Variants in VPS35L observed in about 807,000 individuals in gnomAD.
VPS35L encodes the protein VPS35 endosomal protein sorting factor like.
Under a neutral mutation model 133.0 loss-of-function variants are expected in VPS35L, and 83 were observed. The observed-to-expected ratio is 0.62, with a 90% confidence interval of 0.52 to 0.75. VPS35L has a LOEUF of 0.75. VPS35L is among the 30% of genes least tolerant of loss of function. The pLI is 0.00. For synonymous variants in VPS35L, 423 were observed against 449.9 expected (o/e 0.94, Z 0.76); for missense variants, 1,083 against 1,206.8 (o/e 0.90, Z 1.52).
chr16:19,577,956 T>C (rs1417964189), intron 5 of VPS35L, among the ~76,000 whole-genome samples: 1 of 152,200 alleles, frequency 6.6e-6, no homozygotes, highest in African/African-American at 2.4e-5. Context: ...ACCCACTTTG[T>C]AGCATTTTGT....
intron 10 of VPS35L, chr16:19,608,597 C>T (rs948367613): frequency 5.4e-5 from 21 of 385,546 alleles, no homozygotes; most frequent in African/African-American, 4.2e-4. Context: ...CTTGAAAGAA[C>T]AGGGTCAAGC....
intron 3 of VPS35L, 24 bp from the exon 4 acceptor site, chr16:19,573,095 A>G (rs1477825622): frequency 6.2e-7 from 1 of 1,609,116 alleles, no homozygotes; most frequent in Non-Finnish European, 8.5e-7. Flanking sequence ...TTGCTGCTGA[A>G]GAGATTATCT....
chr16:19,604,092 C>T (rs558666342), intron 9 of VPS35L, among the ~76,000 whole-genome samples: 7 of 151,566 alleles, frequency 4.6e-5, no homozygotes, highest in African/African-American at 1.7e-4. Context: ...TGGCAGCAAA[C>T]TTGAGCCAAC....
At position 19,581,584 on chromosome 16, in the gene VPS35L, G is replaced by C. The variant is rs757126398; in HGVS notation, c.570G>C (p.Glu190Asp). The C allele has an allele frequency of 6.2e-7, 1 of 1,614,112 alleles. No individual in the cohort carries two copies. The highest frequency in any genetic ancestry group is 8.5e-7 in the Non-Finnish European group (1 of 1,180,016). ...TQQDYVNRIEELNQSLKDAWA... is the reference protein window; with the variant it reads ...TQQDYVNRIEDLNQSLKDAWA... Reference sequence around the variant, plus strand: ...AGGATTACGTGAACCGCATAGAGGAGCTCAACCAATCGCTGAAGGATGCCT... The same window carrying C: ...AGGATTACGTGAACCGCATAGAGGACCTCAACCAATCGCTGAAGGATGCCT... Residue 190 changes from glutamate (E) to aspartate (D), a missense_variant, in exon 7 of 31, where the codon GAG becomes GAC. By Grantham distance (45) the Glu-to-Asp change is conservative. Coordinates refer to ENST00000417362, the MANE Select transcript of VPS35L (RefSeq NM_020314.7).
rs1362110637 is a variant in VPS35L, at chr16:19,647,775, T to C, written c.1930-9T>C. The C allele has an allele frequency of 1.2e-6, 2 of 1,611,826 alleles. No individual in the cohort carries two copies. The highest frequency in any genetic ancestry group is 3.3e-5 in the Admixed American group (2 of 59,988). On this transcript the variant is annotated splice_polypyrimidine_tract_variant and intron_variant, in intron 23 of 30. Transcript: ENST00000417362. ...CTGTCCCTTTCAGCGTCTTTCTCCT[T>C]GATTCTAGGTTTCCTTTGGCCGTGA...
chr16:19,576,094 A>G (rs1332570906), intron 5 of VPS35L, among the ~76,000 whole-genome samples: 16 of 142,892 alleles, frequency 1.1e-4, no homozygotes, highest in Non-Finnish European at 2.0e-4. Context: ...TGAACCTGGG[A>G]GGCGGAGGTT....
intron 5 of VPS35L, 64 bp from the exon 6 acceptor site, chr16:19,578,988 C>T (rs1389378949): frequency 7.7e-7 from 1 of 1,292,816 alleles, no homozygotes; most frequent in South Asian, 1.2e-5. Context: ...GTGAAAGATG[C>T]CTCCACTGGG....
intron 21 of VPS35L, 116 bp from the exon 22 acceptor site, chr16:19,642,280 A>C (rs912542357): frequency 1.2e-6 from 1 of 804,556 alleles, no homozygotes; most frequent in African/African-American, 1.7e-5. Flanking sequence ...GCTGGGTGAA[A>C]TGCCAGCTGG....
At chr16:19,637,683 G>A in intron 20 of VPS35L, 27 bp downstream of exon 20, 1 of 1,494,034 alleles carries the variant, frequency 6.7e-7, no homozygotes. Context: ...AATTATCTTT[G>A]GAAATTTGTA....
chr16:19,684,816 G>C (rs879464933), intron 28 of VPS35L, among the ~76,000 whole-genome samples: 17 of 152,154 alleles, frequency 1.1e-4, no homozygotes, highest in Non-Finnish European at 1.9e-4. Context: ...CAGCACTTTG[G>C]GGGGCAGACG....
At chr16:19,656,444 A>G (rs562543467) in intron 26 of VPS35L, among the ~76,000 whole-genome samples, 3 of 151,788 alleles carry the variant, frequency 2.0e-5, no homozygotes, top group African/African-American at 7.3e-5. Flanking sequence ...GTGGAATTAC[A>G]TGATGTATTT....
chr16:19,577,615 G>A (rs1971577236), intron 5 of VPS35L, among the ~76,000 whole-genome samples: 1 of 152,182 alleles, frequency 6.6e-6, no homozygotes, highest in Admixed American at 6.5e-5. Flanking sequence ...CTGTGGTCTG[G>A]TTGTTTGTGC....
chr16:19,673,481 C>A (rs75817504), intron 27 of VPS35L, among the ~76,000 whole-genome samples: 9,613 of 152,224 alleles, frequency 0.063, 869 homozygotes, highest in African/African-American at 0.2. Context: ...GTCCACTTGG[C>A]CCCTTAGGCA....
Position 19,650,415 on chromosome 16 carries a change from G to A in VPS35L, c.2062G>A (p.Val688Ile). Residue 688 changes from valine (V) to isoleucine (I), a missense_variant, in exon 25 of 31, where the codon GTA becomes ATA. Physicochemically the swap from Val to Ile is conservative, Grantham distance 29. Transcript: ENST00000417362. ...CCGGTTGGCAATGGAGACAAGAAAAGTAATGAAAGGAAATCATTCCAGAAA... is the reference window on the plus strand; with the variant it reads ...CCGGTTGGCAATGGAGACAAGAAAAATAATGAAAGGAAATCATTCCAGAAA... ...VNRLAMETRK[V>I]MKGNHSRKTA... 1 of 1,613,790 alleles carries A rather than the reference G, an allele frequency of 6.2e-7. No homozygotes were observed.
rs1386752050 is a variant in VPS35L at position 19,570,868 on chromosome 16, TATATATATATA to T, written c.285+1278_285+1288del. On this transcript the variant is annotated intron_variant, in intron 3 of 30. Transcript: ENST00000417362. ...ATATATATATATATATATATATATA[TATATATATATA>T]TATATATATATTTTTGAGATGAAGT... Among the ~76,000 whole-genome samples, 93 of 85,364 alleles carry T rather than the reference TATATATATATA, an allele frequency of 1.1e-3. 1 individual carries two copies. The highest frequency in any genetic ancestry group is 5.0e-3 in the African/African-American group (90 of 18,054). The allele number at this position is 85,364 out of a possible 152,430, so 56.0% of individuals were successfully genotyped here. A position where few individuals can be genotyped will look rare whatever the true frequency, so the allele number is the denominator to read the frequency against.
intron 1 of VPS35L, among the ~76,000 whole-genome samples, chr16:19,558,979 T>G (rs1567378464): frequency 1.3e-5 from 2 of 151,954 alleles, no homozygotes; most frequent in Non-Finnish European, 2.9e-5. Flanking sequence ...TTTAAGAGTT[T>G]TTTTTATGTG....
At chr16:19,673,167 C>CT (rs1391602995) in intron 27 of VPS35L, among the ~76,000 whole-genome samples, 3 of 152,228 alleles carry the variant, frequency 2.0e-5, no homozygotes, top group African/African-American at 7.2e-5. Flanking sequence ...ACCTGAAACT[C>CT]TGTCCCTGGG....
intron 5 of VPS35L, chr16:19,578,303 G>A (rs1567395243): frequency 4.6e-6 from 2 of 437,894 alleles, no homozygotes; most frequent in East Asian, 7.1e-5. Flanking sequence ...TTTTTTTTGA[G>A]ATGGAGGTTA....
At chr16:19,678,440 T>A (rs1038253066) in intron 27 of VPS35L, among the ~76,000 whole-genome samples, 10 of 152,012 alleles carry the variant, frequency 6.6e-5, no homozygotes, top group Non-Finnish European at 8.8e-5. Context: ...AAAAAATCTT[T>A]GTCTGCCTTA....
Sources: gnomAD v4.1 joint callset for allele counts (sites outside exome capture counted in the v4.1 genomes callset) on GRCh38, gnomAD v4.1.1 for gene constraint, MANE v1.5 for transcripts, NCBI Gene and HGNC (gene_info 2026-07-23, HGNC 2026-07-21) for gene names.